The following DOCK8 variants were observed in gnomAD, a reference collection of about 807,000 sequenced individuals.
DOCK8 encodes the protein dedicator of cytokinesis 8.
Under a neutral mutation model 245.6 loss-of-function variants are expected in DOCK8, and 141 were observed. That is an observed-to-expected ratio of 0.57 (90% CI 0.50 to 0.66). DOCK8 has a LOEUF of 0.66. Among genes scored for constraint, DOCK8 ranks in the 30% least tolerant of loss-of-function variants. The pLI is 0.00. For missense variants in DOCK8, 2,965 were observed against 2,603.4 expected (o/e 1.14, Z -3.02); for synonymous variants, 1,168 against 970.2 (o/e 1.20, Z -3.79).
intron 33 of DOCK8, among the ~76,000 whole-genome samples, chr9:426,087 T>G (rs964617479): frequency 6.6e-6 from 1 of 152,138 alleles, no homozygotes; most frequent in Non-Finnish European, 1.5e-5. Flanking sequence ...CATACCTCCC[T>G]TTCCTTGCAA....
chr9:415,459 T>C (rs532516630), intron 29 of DOCK8, among the ~76,000 whole-genome samples: 1 of 152,288 alleles, frequency 6.6e-6, no homozygotes, highest in East Asian at 1.9e-4. Flanking sequence ...TGGCACTAAG[T>C]GACTAATTTT....
intron 26 of DOCK8, among the ~76,000 whole-genome samples, chr9:400,238 C>T (rs549988249): frequency 2.3e-4 from 24 of 102,478 alleles, no homozygotes; most frequent in African/African-American, 9.3e-4. Flanking sequence ...TCCACCATCA[C>T]CACCACCTCC....
intron 12 of DOCK8, among the ~76,000 whole-genome samples, chr9:337,595 C>G (rs914466984): frequency 4.6e-5 from 7 of 152,034 alleles, no homozygotes; most frequent in African/African-American, 1.7e-4. Flanking sequence ...CCTGCTTGCT[C>G]AGAGAGGGTG....
At chr9:368,220 T>A in intron 15 of DOCK8, 85 bp downstream of exon 15, 1 of 1,161,524 alleles carries the variant, frequency 8.6e-7, no homozygotes, top group East Asian at 2.3e-5. Flanking sequence ...CTCATCAGTG[T>A]ACAAAGTCCG....
At position 308,154 on chromosome 9, in the gene DOCK8, A is replaced by G. The variant is rs565199211; in HGVS notation, c.528+3450A>G. ...TATTTGATAGTACTGTAAGGTGACTAGAATTAATAATAATTTATTCTGTGT... is the reference window on the plus strand; with the variant it reads ...TATTTGATAGTACTGTAAGGTGACTGGAATTAATAATAATTTATTCTGTGT... On this transcript the variant is annotated intron_variant, in intron 5 of 47. Transcript: ENST00000432829. 3.7e-4 allele frequency among the ~76,000 whole-genome samples: 57 copies of G among 152,352 alleles called. 1 individual carries two copies. The highest frequency in any genetic ancestry group is 7.3e-5 in the Non-Finnish European group (5 of 68,038).
chr9:338,461 C>T (rs1435836213), intron 12 of DOCK8, among the ~76,000 whole-genome samples: 1 of 152,142 alleles, frequency 6.6e-6, no homozygotes, highest in Non-Finnish European at 1.5e-5. Context: ...GATGGTCTCA[C>T]TGGGAATAAG....
At chr9:267,127 G>C (rs2048052505) in intron 1 of DOCK8, among the ~76,000 whole-genome samples, 1 of 152,220 alleles carries the variant, frequency 6.6e-6, no homozygotes, top group South Asian at 2.1e-4. Context: ...AAACTTAATA[G>C]CTGACATTTA....
At chr9:357,264 G>C (rs904851352) in intron 14 of DOCK8, among the ~76,000 whole-genome samples, 4 of 152,194 alleles carry the variant, frequency 2.6e-5, no homozygotes, top group Non-Finnish European at 5.9e-5. Flanking sequence ...AAATATCATA[G>C]CAGCTATATT....
Position 426,685 on chromosome 9 carries a change from A to G in DOCK8, c.4242-200A>G, listed in dbSNP as rs16906477. The stretch of plus-strand genomic sequence containing the variant: ...TAGTGGGGATGAGGATGACCAGGAA[A>G]CCTTACCTAGACAGTTGTTTCGACA... On this transcript the variant is annotated intron_variant, in intron 33 of 47. Coordinates refer to ENST00000432829, the MANE Select transcript of DOCK8 (RefSeq NM_203447.4). 0.013 allele frequency among the ~76,000 whole-genome samples: 2,036 copies of G among 152,266 alleles called. 39 individuals are homozygous for G. Among genetic ancestry groups the G allele is most frequent in the African/African-American group, 0.046 (1,912 of 41,532 alleles).
chr9:271,565 C>G (rs745787104), intron 1 of DOCK8, 62 bp from the exon 2 acceptor site: 1 of 1,295,250 alleles, frequency 7.7e-7, no homozygotes, highest in African/African-American at 1.5e-5. Flanking sequence ...AAGATTGCAT[C>G]TAAAATTGTG....
rs760452468 is a variant in DOCK8 at position 334,331 on chromosome 9, T to A, written c.1232T>A (p.Phe411Tyr). The A allele has an allele frequency of 2.5e-6, 4 of 1,614,184 alleles. No individual in the cohort carries two copies. The highest frequency in any genetic ancestry group is 3.4e-6 in the Non-Finnish European group (4 of 1,180,002). ...TGGGCACCCATAAGCTTATCAAGCT[T>A]CTTCAATGTCTCCACCCTTGAGAGG... ...FAWAPISLSS[F>Y]FNVSTLEREV... Residue 411 changes from phenylalanine to tyrosine, a missense_variant, in exon 11 of 48, where the codon TTC (phenylalanine) becomes TAC (tyrosine). Around this residue, in one of 3 missense-constraint regions of DOCK8, gnomAD observed 2,825 missense variants for 2,453.5 expected, o/e 1.15. Transcript: ENST00000432829.
intron 1 of DOCK8, among the ~76,000 whole-genome samples, chr9:241,658 C>T (rs1012426018): frequency 6.6e-6 from 1 of 152,116 alleles, no homozygotes; most frequent in African/African-American, 2.4e-5. Context: ...CATATCTTGG[C>T]TATTGTGAAA....
rs533674925 is a variant in DOCK8 at position 299,739 on chromosome 9, T to A, written c.405-4842T>A. Among the ~76,000 whole-genome samples the A allele has an allele frequency of 2.1e-3, 322 of 151,198 alleles. 1 individual carries two copies. The highest frequency in any genetic ancestry group is 3.3e-3 in the Non-Finnish European group (226 of 67,802). On this transcript the variant is annotated intron_variant, in intron 4 of 47. Coordinates refer to ENST00000432829, the MANE Select transcript of DOCK8 (RefSeq NM_203447.4). ...AGGGGATGCTGAAGATGGCCCATTA[T>A]GGCCGGGCGCGGTGGCACACATCTG...
intron 5 of DOCK8, among the ~76,000 whole-genome samples, chr9:305,428 T>G (rs1969949): frequency 0.81 from 122,435 of 151,094 alleles, 50,105 homozygotes; most frequent in African/African-American, 0.92. Context: ...GACTACAGGC[T>G]CCCGCCACCA....
intron 2 of DOCK8, among the ~76,000 whole-genome samples, chr9:276,227 T>C (rs1316110038): frequency 6.6e-6 from 1 of 152,144 alleles, no homozygotes; most frequent in African/African-American, 2.4e-5. Flanking sequence ...GTATTCCAAA[T>C]GGGGGGAATA....
intron 25 of DOCK8, 45 bp from the exon 26 acceptor site, chr9:399,101 C>A (rs1399277758): frequency 1.3e-6 from 2 of 1,576,530 alleles, no homozygotes; most frequent in Admixed American, 1.7e-5. Flanking sequence ...AAGTTCAAAT[C>A]CAGAGTGTCC....
intron 35 of DOCK8, among the ~76,000 whole-genome samples, chr9:429,277 T>C (rs2056619303): frequency 6.6e-6 from 1 of 152,216 alleles, no homozygotes; most frequent in Admixed American, 6.5e-5. Flanking sequence ...TATTTTTCCC[T>C]TTATTGAAGA....
chr9:259,709 A>G (rs1245729527), intron 1 of DOCK8, among the ~76,000 whole-genome samples: 1 of 152,234 alleles, frequency 6.6e-6, no homozygotes. Context: ...CTGCAATCCT[A>G]ATAATCAGTA....
chr9:462,415 C>G (rs925325441), intron 46 of DOCK8, among the ~76,000 whole-genome samples: 3 of 152,194 alleles, frequency 2.0e-5, no homozygotes, highest in Non-Finnish European at 4.4e-5. Flanking sequence ...AGCAAGTTTT[C>G]ATTCTGCCTC....
Sources: gnomAD v4.1 joint callset for allele counts (sites outside exome capture counted in the v4.1 genomes callset) on GRCh38, gnomAD v4.1.1 for gene constraint, gnomAD v4.1.1 regional missense constraint, MANE v1.5 for transcripts, NCBI Gene and HGNC (gene_info 2026-07-23, HGNC 2026-07-21) for gene names.